Variants in ASIC2 observed in about 807,000 individuals in gnomAD.
ASIC2 encodes acid sensing ion channel subunit 2.
A neutral mutation model predicts 57.3 loss-of-function variants in ASIC2; 25 were observed. That is an observed-to-expected ratio of 0.44 (90% CI 0.32 to 0.61). The LOEUF (loss-of-function observed/expected upper bound fraction) is 0.61. Ranked by LOEUF, ASIC2 falls within the 20% of genes least tolerant of loss-of-function variation. ASIC2 has a pLI of 0.06. For synonymous variants in ASIC2, 319 were observed against 307.5 expected, an observed-to-expected ratio of 1.04 and a Z score of -0.39; for missense variants, 641 against 738.1, an observed-to-expected ratio of 0.87 and a Z score of 1.52.
rs547588830 is a variant in ASIC2 at position 33,944,447 on chromosome 17, G to A, written c.555+211531C>T. 8.5e-5 allele frequency among the ~76,000 whole-genome samples: 13 copies of A among 152,320 alleles called. No individual in the cohort carries two copies. In the East Asian group the frequency reaches 2.3e-3, roughly 27 times the overall value. On this transcript the variant is annotated intron_variant, in intron 1 of 9. Coordinates refer to the ASIC2 transcript ENST00000359872. ...AAAGCATCCATGGTGGTTCAGAGAGGAGACTGGTGCTCACAGGGAGAGGCA... is the reference window on the plus strand; with the variant it reads ...AAAGCATCCATGGTGGTTCAGAGAGAAGACTGGTGCTCACAGGGAGAGGCA...
chr17:33,713,120 G>A (rs144287884), intron 1 of ASIC2, among the ~76,000 whole-genome samples: 49 of 152,148 alleles, frequency 3.2e-4, no homozygotes, highest in Non-Finnish European at 5.6e-4. Flanking sequence ...TCATGCTTGC[G>A]CTATTTATTA....
In ASIC2 at chr17:33,975,601, A is replaced by G. The variant is rs564167557; in HGVS notation, c.555+180377T>C. ...CTCATGCTCCCATGGAATCAAGGTC[A>G]TAAATAGTAAAGAGAGTTCCAGGCA... is the stretch of plus-strand genomic sequence containing the variant. On this transcript the variant is annotated intron_variant, in intron 1 of 9. Transcript: ENST00000359872. Among the ~76,000 whole-genome samples the G allele has an allele frequency of 8.1e-4, 123 of 152,314 alleles. 1 individual carries two copies. The Middle Eastern group carries it at 0.017, about 21-fold the overall frequency.
chr17:33,181,727 C>T (rs1905990807), intron 1 of ASIC2, among the ~76,000 whole-genome samples: 1 of 152,182 alleles, frequency 6.6e-6, no homozygotes, highest in African/African-American at 2.4e-5. Context: ...GCGGTATGTT[C>T]CGTTTGCACT....
At chr17:34,073,039 G>A (rs2142070148) in intron 1 of ASIC2, among the ~76,000 whole-genome samples, 1 of 152,316 alleles carries the variant, frequency 6.6e-6, no homozygotes, top group East Asian at 1.9e-4. Flanking sequence ...GAACCAGGAG[G>A]TGATAGGAGA....
rs7221706 is a variant in ASIC2, at chr17:33,647,456, G to A, written c.555+508522C>T. Among the ~76,000 whole-genome samples the A allele has an allele frequency of 8.8e-3, 1,344 of 152,246 alleles. 9 individuals are homozygous for A. The highest frequency in any genetic ancestry group is 0.061 in the Middle Eastern group (18 of 294). ...TTGCACCACACCCCAAGACGCAGGA[G>A]AGAACTCTGCTGGGCACACTGTAGG... On this transcript the variant is annotated intron_variant, in intron 1 of 9. Coordinates refer to the ASIC2 transcript ENST00000359872.
intron 3 of ASIC2, among the ~76,000 whole-genome samples, chr17:33,083,343 C>A (rs2092120878): frequency 6.6e-6 from 1 of 152,128 alleles, no homozygotes; most frequent in Non-Finnish European, 1.5e-5. Flanking sequence ...ATGAAGTAAG[C>A]CTACATGGGA....
rs1413566891 is a variant in ASIC2 at position 33,100,614 on chromosome 17, C to G, written c.859+11303G>C. 2.6e-5 allele frequency among the ~76,000 whole-genome samples: 4 copies of G among 152,222 alleles called. No homozygotes were observed. The South Asian group carries it at 6.2e-4, about 24-fold the overall frequency. On this transcript the variant is annotated intron_variant, in intron 2 of 9. Coordinates refer to ENST00000225823, the MANE Select transcript of ASIC2 (RefSeq NM_183377.2). ...CTGCAAATGCTTGGCACTCCTTGGACACTTTATATGAAAGTTGTTGGGTGA... is the reference window on the plus strand; with the variant it reads ...CTGCAAATGCTTGGCACTCCTTGGAGACTTTATATGAAAGTTGTTGGGTGA...
intron 1 of ASIC2, among the ~76,000 whole-genome samples, chr17:33,267,196 A>G (rs912973625): frequency 6.6e-6 from 1 of 152,084 alleles, no homozygotes. Flanking sequence ...ATGCCCACAT[A>G]AACACACATG....
chr17:33,365,498 G>A (rs1352097956), intron 1 of ASIC2, among the ~76,000 whole-genome samples: 1 of 152,098 alleles, frequency 6.6e-6, no homozygotes, highest in East Asian at 1.9e-4. Context: ...TCATTATCAA[G>A]TTATAGGGAG....
At chr17:33,603,012 G>T (rs1007277401) in intron 1 of ASIC2, among the ~76,000 whole-genome samples, 1 of 152,200 alleles carries the variant, frequency 6.6e-6, no homozygotes, top group African/African-American at 2.4e-5. Context: ...GGCACAGAGT[G>T]TGAACATTTT....
intron 1 of ASIC2, among the ~76,000 whole-genome samples, chr17:33,363,580 G>A (rs142663585): frequency 6.6e-6 from 1 of 152,340 alleles, no homozygotes; most frequent in African/African-American, 2.4e-5. Context: ...TGCGTTCCGA[G>A]CTGCATGGCC....
chr17:33,729,628 T>A (rs1233083458), intron 1 of ASIC2, among the ~76,000 whole-genome samples: 2 of 152,148 alleles, frequency 1.3e-5, no homozygotes, highest in Non-Finnish European at 2.9e-5. Flanking sequence ...TTCCAAACAA[T>A]GTGATCTGGG....
chr17:33,596,377 TA>T, intron 1 of ASIC2, among the ~76,000 whole-genome samples: 1 of 152,362 alleles, frequency 6.6e-6, no homozygotes. Flanking sequence ...GGGATTAATT[TA>T]AATGCACAAA....
chr17:33,206,014 G>A (rs1907046486), intron 1 of ASIC2, among the ~76,000 whole-genome samples: 1 of 152,152 alleles, frequency 6.6e-6, no homozygotes, highest in Non-Finnish European at 1.5e-5. Context: ...AATGCTCTCA[G>A]GGTCAGGATG....
chr17:33,753,694 T>C (rs1409904333), intron 1 of ASIC2, among the ~76,000 whole-genome samples: 3 of 152,204 alleles, frequency 2.0e-5, no homozygotes, highest in Non-Finnish European at 4.4e-5. Context: ...AGCTCATCCT[T>C]TGCCTTATTT....
chr17:33,333,994 G>C (rs975045520), intron 1 of ASIC2, among the ~76,000 whole-genome samples: 5 of 152,182 alleles, frequency 3.3e-5, no homozygotes, highest in African/African-American at 1.2e-4. Context: ...CTTCAGCCTG[G>C]GGCTGCAAAA....
chr17:33,881,779 C>CA (rs995187855), intron 1 of ASIC2, among the ~76,000 whole-genome samples: 22 of 151,754 alleles, frequency 1.4e-4, no homozygotes, highest in African/African-American at 4.6e-4. Flanking sequence ...CATATGGAAC[C>CA]AAAAAAAAGC....
chr17:33,020,626 G>A (rs1391615073), intron 7 of ASIC2, among the ~76,000 whole-genome samples: 2 of 152,180 alleles, frequency 1.3e-5, no homozygotes, highest in African/African-American at 2.4e-5. Flanking sequence ...CTGGAGCCGG[G>A]GAGCTCATGC....
chr17:33,037,105 A>G (rs2091911652), intron 3 of ASIC2, among the ~76,000 whole-genome samples: 1 of 149,170 alleles, frequency 6.7e-6, no homozygotes, highest in African/African-American at 2.5e-5. Flanking sequence ...ACCCCAAATT[A>G]AAAAAAATTA....
Sources: gnomAD v4.1 joint callset for allele counts (sites outside exome capture counted in the v4.1 genomes callset) on GRCh38, gnomAD v4.1.1 for gene constraint, MANE v1.5 for transcripts, NCBI Gene and HGNC (gene_info 2026-07-23, HGNC 2026-07-21) for gene names.